The following RP1 variants were observed in gnomAD, a reference collection of about 807,000 sequenced individuals.
RP1 encodes oxygen-regulated protein 1.
Under a neutral mutation model 14.8 loss-of-function variants are expected in RP1, and 16 were observed. The ratio of observed to expected loss-of-function variants is 1.08; its 90% CI spans 0.73 to 1.65. The LOEUF (loss-of-function observed/expected upper bound fraction) is 1.65, where lower values mean the gene tolerates loss of function less well. Ranked by LOEUF, RP1 falls within the 40% of genes most tolerant of loss-of-function variation. The pLI is 0.00. For synonymous variants in RP1, 876 were observed against 883.6 expected (o/e 0.99, Z 0.15); for missense variants, 2,631 against 2,535.0 (o/e 1.04, Z -0.81).
intron 24 of RP1, among the ~76,000 whole-genome samples, chr8:54,806,850 A>G (rs1810864391): frequency 6.6e-6 from 1 of 152,230 alleles, no homozygotes; most frequent in African/African-American, 2.4e-5. Context: ...TCACCCTGAG[A>G]TAATACCATT....
At chr8:54,739,057 A>G (rs967538310) in intron 19 of RP1, 16 of 1,468,026 alleles carry the variant, frequency 1.1e-5, no homozygotes, top group Middle Eastern at 1.7e-4. Flanking sequence ...TTTTTTCTTC[A>G]TAGTTATTCT....
chr8:54,572,441 G>C (rs1804543543), intron 1 of RP1, among the ~76,000 whole-genome samples: 1 of 152,200 alleles, frequency 6.6e-6, no homozygotes, highest in Admixed American at 6.5e-5. Flanking sequence ...CATATTAGCT[G>C]TGTGGCCTAG....
At chr8:54,745,962 C>T (rs1809214862) in intron 19 of RP1, among the ~76,000 whole-genome samples, 1 of 151,966 alleles carries the variant, frequency 6.6e-6, no homozygotes, top group Non-Finnish European at 1.5e-5. Flanking sequence ...AGTCTGAAAG[C>T]CAAAAGAAAA....
chr8:54,801,843 C>G lies in RP1; in HGVS notation c.3615+18133C>G, dbSNP rs547217219. Reference sequence around the variant, plus strand: ...TCTCTCTGAAGAAACCTGTCTCTCTCCAGAGTTTGGTTAGATTTTTACCCT... The same window carrying G: ...TCTCTCTGAAGAAACCTGTCTCTCTGCAGAGTTTGGTTAGATTTTTACCCT... On this transcript the variant is annotated intron_variant, in intron 24 of 28. Coordinates refer to the RP1 transcript ENST00000637698. Among the ~76,000 whole-genome samples, 8 of 152,274 alleles carry G rather than the reference C, an allele frequency of 5.3e-5. No homozygotes were observed. In the South Asian group the frequency reaches 1.7e-3, roughly 32 times the overall value.
intron 1 of RP1, among the ~76,000 whole-genome samples, chr8:54,578,414 C>T (rs1051172279): frequency 1.3e-5 from 2 of 151,872 alleles, no homozygotes; most frequent in African/African-American, 4.8e-5. Context: ...TGCTATGTTG[C>T]CTAAGCTGGT....
exon 4 of RP1, chr8:54,649,046 G>A (rs1449002255): frequency 6.5e-7 from 1 of 1,531,616 alleles, no homozygotes; most frequent in Non-Finnish European, 8.7e-7. Context: ...CCAGCTCACA[G>A]ATTTATATTA....
intron 28 of RP1, among the ~76,000 whole-genome samples, chr8:54,867,458 A>G (rs1240078993): frequency 6.6e-6 from 1 of 152,156 alleles, no homozygotes; most frequent in African/African-American, 2.4e-5. Context: ...GAAGTTTTTT[A>G]GCACCAGATT....
chr8:54,806,731 G>A (rs1319213222), intron 24 of RP1, among the ~76,000 whole-genome samples: 1 of 152,078 alleles, frequency 6.6e-6, no homozygotes, highest in Non-Finnish European at 1.5e-5. Flanking sequence ...TCATATATTT[G>A]CCTCCATTTC....
intron 24 of RP1, among the ~76,000 whole-genome samples, chr8:54,831,623 A>G (rs545455920): frequency 6.6e-6 from 1 of 151,866 alleles, no homozygotes; most frequent in African/African-American, 2.4e-5. Context: ...ATAAAACATA[A>G]AACATCCTAT....
chr8:54,801,625 G>T (rs767354155), intron 24 of RP1, among the ~76,000 whole-genome samples: 12 of 152,174 alleles, frequency 7.9e-5, no homozygotes, highest in African/African-American at 2.9e-4. Context: ...ACTCTTTCTC[G>T]GTGTTCACCT....
chr8:54,857,495 A>C (rs971846123), intron 27 of RP1, among the ~76,000 whole-genome samples: 5 of 151,138 alleles, frequency 3.3e-5, no homozygotes, highest in African/African-American at 1.2e-4. Context: ...TATTGACTGA[A>C]TATATTAAAT....
intron 28 of RP1, among the ~76,000 whole-genome samples, chr8:54,868,346 T>G (rs1812503958): frequency 6.6e-6 from 1 of 152,242 alleles, no homozygotes; most frequent in Non-Finnish European, 1.5e-5. Flanking sequence ...GGTGTATCAT[T>G]GCACTGTTAT....
chr8:54,857,543 A>T (rs181796456), intron 27 of RP1, among the ~76,000 whole-genome samples: 1 of 151,938 alleles, frequency 6.6e-6, no homozygotes, highest in Non-Finnish European at 1.5e-5. Flanking sequence ...ATGTAAATTT[A>T]TGAAGTTTTG....
At chr8:54,589,261 C>T (rs1017655456) in intron 1 of RP1, among the ~76,000 whole-genome samples, 3 of 152,128 alleles carry the variant, frequency 2.0e-5, no homozygotes, top group African/African-American at 4.8e-5. Flanking sequence ...ATAAAATCAC[C>T]TGCATATTCT....
At chr8:54,825,377 A>G (rs1308657565) in intron 24 of RP1, among the ~76,000 whole-genome samples, 1 of 152,246 alleles carries the variant, frequency 6.6e-6, no homozygotes, top group African/African-American at 2.4e-5. Flanking sequence ...AGTTCAGGAA[A>G]TAAAAAGCAT....
At chr8:54,790,911 G>T (rs1810449085) in intron 24 of RP1, among the ~76,000 whole-genome samples, 1 of 151,922 alleles carries the variant, frequency 6.6e-6, no homozygotes, top group Non-Finnish European at 1.5e-5. Flanking sequence ...GGAGAAGAAG[G>T]AAAGATAGGG....
chr8:54,607,679 C>T (rs547492815), intron 1 of RP1, among the ~76,000 whole-genome samples: 16 of 152,268 alleles, frequency 1.1e-4, no homozygotes, highest in South Asian at 2.1e-4. Flanking sequence ...CCTTGAGCTG[C>T]GGTGGGCTTC....
intron 19 of RP1, among the ~76,000 whole-genome samples, chr8:54,743,650 C>T (rs549912208): frequency 7.9e-5 from 12 of 152,010 alleles, no homozygotes; most frequent in South Asian, 2.1e-4. Context: ...TGTCACTGTC[C>T]GTTCTACGAG....
At chr8:54,739,489 C>T (rs182239494) in intron 19 of RP1, among the ~76,000 whole-genome samples, 19 of 151,252 alleles carry the variant, frequency 1.3e-4, no homozygotes, top group East Asian at 3.9e-4. Context: ...TTCATTCTTG[C>T]GAAAGGTTTT....
Sources: allele counts gnomAD v4.1 joint callset (sites outside exome capture counted in the v4.1 genomes callset), GRCh38; gene constraint gnomAD v4.1.1; transcripts MANE v1.5; gene names NCBI Gene and HGNC (gene_info 2026-07-23, HGNC 2026-07-21).